Variants in ERBB4 observed in about 807,000 individuals in gnomAD.
ERBB4 encodes the protein receptor tyrosine-protein kinase erbB-4.
In ERBB4, 42 loss-of-function variants were observed where a neutral mutation model predicts 158.0. The observed-to-expected ratio is 0.27, with a 90% CI of 0.21 to 0.34. The LOEUF (loss-of-function observed/expected upper bound fraction) is 0.34. ERBB4 is among the 10% of genes least tolerant of loss of function. The pLI is 1.00. For missense variants in ERBB4, 1,333 were observed against 1,624.1 expected, an observed-to-expected ratio of 0.82 and a Z score of 3.08; for synonymous variants, 583 against 558.7, an observed-to-expected ratio of 1.04 and a Z score of -0.61.
intron 2 of ERBB4, among the ~76,000 whole-genome samples, chr2:212,018,642 C>T (rs1049539213): frequency 6.6e-6 from 1 of 152,084 alleles, no homozygotes; most frequent in African/African-American, 2.4e-5. Flanking sequence ...GTGTAACTTG[C>T]AGATAATTTT....
intron 1 of ERBB4, among the ~76,000 whole-genome samples, chr2:212,492,012 G>T (rs542001128): frequency 6.6e-6 from 1 of 151,466 alleles, no homozygotes; most frequent in African/African-American, 2.4e-5. Context: ...ACCAATTTTG[G>T]CATGCTCTTT....
chr2:211,623,018 TATATATATATATATATATATATATATAAA>T (rs1559357023), intron 18 of ERBB4, among the ~76,000 whole-genome samples: 1 of 73,404 alleles, frequency 1.4e-5, no homozygotes, highest in South Asian at 4.3e-4. Flanking sequence ...TATATATATA[TATATATATATATATATATATATATATAAA>T]ATGCCAAAGT....
chr2:211,561,717 A>C (rs2067397452), intron 20 of ERBB4, 186 bp downstream of exon 20: 1 of 614,594 alleles, frequency 1.6e-6, no homozygotes, highest in South Asian at 1.9e-5. Context: ...TAATCTAAAA[A>C]TATATATCAC....
At chr2:211,790,961 T>C (rs910117544) in intron 3 of ERBB4, among the ~76,000 whole-genome samples, 2 of 151,956 alleles carry the variant, frequency 1.3e-5, no homozygotes, top group Non-Finnish European at 2.9e-5. Flanking sequence ...TGTCAGAAAG[T>C]AATGTTATAA....
chr2:212,129,641 A>T (rs1409592289), intron 1 of ERBB4, among the ~76,000 whole-genome samples: 1 of 152,004 alleles, frequency 6.6e-6, no homozygotes, highest in Non-Finnish European at 1.5e-5. Context: ...AACTAAAAAA[A>T]ATTGCTATTC....
At chr2:211,863,792 A>G (rs979711183) in intron 3 of ERBB4, among the ~76,000 whole-genome samples, 2 of 152,224 alleles carry the variant, frequency 1.3e-5, no homozygotes, top group Admixed American at 1.3e-4. Flanking sequence ...GAAGGAAAAA[A>G]TTCCAGACAC....
At chr2:211,991,405 C>G (rs1370706236) in intron 2 of ERBB4, among the ~76,000 whole-genome samples, 1 of 151,786 alleles carries the variant, frequency 6.6e-6, no homozygotes, top group African/African-American at 2.4e-5. Flanking sequence ...ACCTACAAAA[C>G]AAAACGAAGC....
intron 1 of ERBB4, among the ~76,000 whole-genome samples, chr2:212,181,655 TA>T (rs997517765): frequency 1.3e-4 from 20 of 151,764 alleles, no homozygotes; most frequent in Non-Finnish European, 2.2e-4. Flanking sequence ...TTATGTCATA[TA>T]AAAAATAAGT....
rs960859080 is a variant in ERBB4, at chr2:211,461,104, C to A, written c.2488-30004G>T. On this transcript the variant is annotated intron_variant, in intron 20 of 27. Coordinates refer to ENST00000342788, the MANE Select transcript of ERBB4 (RefSeq NM_005235.3). ...TTGGGGGAAAAAAAAAAAATCCCTG[C>A]TTTTGATTAAATCATCTTTATTCAA... is the stretch of plus-strand genomic sequence containing the variant. 4.0e-5 allele frequency among the ~76,000 whole-genome samples: 6 copies of A among 151,594 alleles called. No individual in the cohort carries two copies. The South Asian group carries it at 6.2e-4, about 16-fold the overall frequency.
chr2:212,252,688 C>G (rs2084583359), intron 1 of ERBB4, among the ~76,000 whole-genome samples: 1 of 151,942 alleles, frequency 6.6e-6, no homozygotes, highest in African/African-American at 2.4e-5. Flanking sequence ...TAAATATCAT[C>G]CTTTTATGCT....
chr2:211,972,329 C>T (rs1454412719), intron 2 of ERBB4, among the ~76,000 whole-genome samples: 1 of 152,154 alleles, frequency 6.6e-6, no homozygotes, highest in Non-Finnish European at 1.5e-5. Flanking sequence ...TCATACTGCC[C>T]AAAGCAATTT....
At position 211,970,912 on chromosome 2, in the gene ERBB4, T is replaced by G. The variant is rs562910007; in HGVS notation, c.235-23296A>C. The stretch of plus-strand genomic sequence containing the variant: ...CTATTGATATGTGTGGATTTGCTCT[T>G]GTCATCATGTTTAGCTGGTTATTGT... On this transcript the variant is annotated intron_variant, in intron 2 of 27. Coordinates refer to ENST00000342788, the MANE Select transcript of ERBB4 (RefSeq NM_005235.3). Among the ~76,000 whole-genome samples the G allele has an allele frequency of 2.6e-5, 4 of 152,314 alleles. No individual in the cohort carries two copies. In the South Asian group the frequency reaches 8.3e-4, roughly 32 times the overall value.
At chr2:212,318,721 A>G (rs1191782686) in intron 1 of ERBB4, among the ~76,000 whole-genome samples, 1 of 151,590 alleles carries the variant, frequency 6.6e-6, no homozygotes, top group Non-Finnish European at 1.5e-5. Flanking sequence ...AGTTATATTA[A>G]TAACAGGTAA....
chr2:212,171,623 T>C (rs530530120), intron 1 of ERBB4, among the ~76,000 whole-genome samples: 3 of 152,174 alleles, frequency 2.0e-5, no homozygotes, highest in Non-Finnish European at 4.4e-5. Flanking sequence ...GTAGGTGTCT[T>C]CCCCCATGCT....
intron 12 of ERBB4, among the ~76,000 whole-genome samples, chr2:211,687,195 C>T (rs1405971330): frequency 6.7e-6 from 1 of 150,242 alleles, no homozygotes; most frequent in Non-Finnish European, 1.5e-5. Context: ...GTCCCAGTTA[C>T]TTGGGAGGCT....
At chr2:212,407,717 A>C (rs1057425606) in intron 1 of ERBB4, among the ~76,000 whole-genome samples, 1 of 152,146 alleles carries the variant, frequency 6.6e-6, no homozygotes. Flanking sequence ...GTACAAAGTT[A>C]CTTCAATGAA....
intron 2 of ERBB4, among the ~76,000 whole-genome samples, chr2:212,121,013 T>C (rs1422469692): frequency 6.6e-6 from 1 of 152,192 alleles, no homozygotes; most frequent in Non-Finnish European, 1.5e-5. Context: ...TAAGCCATAA[T>C]GTGGTTTTAG....
intron 1 of ERBB4, among the ~76,000 whole-genome samples, chr2:212,189,003 T>C (rs1171526953): frequency 6.6e-6 from 1 of 150,710 alleles, no homozygotes; most frequent in Non-Finnish European, 1.5e-5. Flanking sequence ...CTGTTCTGAT[T>C]ATTTTATCAT....
At chr2:211,861,034 A>AT (rs1425239608) in intron 3 of ERBB4, among the ~76,000 whole-genome samples, 1 of 8,254 alleles carries the variant, frequency 1.2e-4, no homozygotes, top group Non-Finnish European at 2.0e-4. Context: ...ATATAAATAT[A>AT]ATATATTTAT....
Sources: allele counts gnomAD v4.1 joint callset (sites outside exome capture counted in the v4.1 genomes callset), GRCh38; gene constraint gnomAD v4.1.1; transcripts MANE v1.5; gene names NCBI Gene and HGNC (gene_info 2026-07-23, HGNC 2026-07-21).